Variants in SMIM14 observed in about 807,000 individuals in gnomAD.
SMIM14 encodes small integral membrane protein 14, also known as chromosome 4 open reading frame 34.
SMIM14 carries 5 observed loss-of-function variants against 12.6 expected under a neutral mutation model. That is an observed-to-expected ratio of 0.40 (90% confidence interval 0.21 to 0.83). The LOEUF (loss-of-function observed/expected upper bound fraction) is 0.83. SMIM14 is among the 40% of genes least tolerant of loss of function. The probability of loss-of-function intolerance (pLI) is 0.37; values close to 1 mark genes in which losing one functional copy is unlikely to be tolerated. For missense variants in SMIM14, 86 were observed against 119.1 expected, an observed-to-expected ratio of 0.72 and a Z score of 1.29; for synonymous variants, 30 against 40.1, an observed-to-expected ratio of 0.75 and a Z score of 0.95.
intron 2 of SMIM14, among the ~76,000 whole-genome samples, chr4:39,602,793 G>A (rs1232626561): frequency 2.0e-5 from 3 of 152,042 alleles, no homozygotes; most frequent in African/African-American, 7.2e-5. Context: ...ACAAGTCCTA[G>A]TGCATGCTGA....
chr4:39,553,667 C>T (rs1204731384), intron 4 of SMIM14, among the ~76,000 whole-genome samples: 4 of 150,602 alleles, frequency 2.7e-5, no homozygotes, highest in Non-Finnish European at 5.9e-5. Context: ...CATCTCAGCT[C>T]ACTGCAACCT....
At chr4:39,585,457 C>T (rs186655261) in intron 2 of SMIM14, among the ~76,000 whole-genome samples, 5,448 of 151,950 alleles carry the variant, frequency 0.036, 187 homozygotes, top group Non-Finnish European at 0.046. Flanking sequence ...CCACCATGCC[C>T]AGCTAATTTT....
chr4:39,626,996 A>G (rs1715727257), intron 1 of SMIM14, among the ~76,000 whole-genome samples: 1 of 152,194 alleles, frequency 6.6e-6, no homozygotes. Flanking sequence ...ACAGAAATTT[A>G]CTTCTCACGG....
At position 39,550,797 on chromosome 4, in the gene SMIM14, T is replaced by C. The variant is rs1209059125; in HGVS notation, c.*1329A>G. The C allele has an allele frequency of 6.6e-6, 1 of 152,200 alleles. No individual in the cohort carries two copies. Among genetic ancestry groups the C allele is most frequent in the Non-Finnish European group, 1.5e-5 (1 of 68,038 alleles). The allele number at this position is 152,200 out of a possible 1,614,324, so 9.4% of individuals were successfully genotyped here. ...CTTTTCCCTTGAAGTAAACCAGTAATTTATTAAAATATTTTATAGGTCAGA... is the reference window on the plus strand; with the variant it reads ...CTTTTCCCTTGAAGTAAACCAGTAACTTATTAAAATATTTTATAGGTCAGA... On this transcript the variant is annotated 3_prime_UTR_variant, in exon 5 of 5. Transcript: ENST00000295958.
At chr4:39,565,454 A>G (rs1306986184) in intron 3 of SMIM14, among the ~76,000 whole-genome samples, 4 of 152,142 alleles carry the variant, frequency 2.6e-5, no homozygotes. Context: ...CATCCAGAGT[A>G]GCTGGGGCAT....
At chr4:39,588,784 T>A (rs932443850) in intron 2 of SMIM14, among the ~76,000 whole-genome samples, 3 of 151,854 alleles carry the variant, frequency 2.0e-5, no homozygotes, top group African/African-American at 4.8e-5. Context: ...TGTATTGATA[T>A]TTTTTGAAAA....
At chr4:39,605,483 T>C (rs1478978901) in intron 1 of SMIM14, among the ~76,000 whole-genome samples, 9 of 152,186 alleles carry the variant, frequency 5.9e-5, no homozygotes, top group Admixed American at 5.9e-4. Context: ...ATTATTTGAC[T>C]TTATTAGCTC....
At chr4:39,569,954 T>C (rs1712800262) in intron 3 of SMIM14, among the ~76,000 whole-genome samples, 1 of 152,050 alleles carries the variant, frequency 6.6e-6, no homozygotes, top group Admixed American at 6.6e-5. Context: ...TCCCAAATAT[T>C]TACTTTCCCA....
intron 2 of SMIM14, among the ~76,000 whole-genome samples, chr4:39,590,181 A>T (rs1051141305): frequency 2.0e-5 from 3 of 152,154 alleles, no homozygotes; most frequent in African/African-American, 4.8e-5. Flanking sequence ...TGGGGGGCCA[A>T]GGCAGGTGGA....
At chr4:39,579,715 G>A (rs970265973) in intron 2 of SMIM14, among the ~76,000 whole-genome samples, 8 of 151,908 alleles carry the variant, frequency 5.3e-5, no homozygotes, top group South Asian at 2.1e-4. Context: ...GTGGTGGTGC[G>A]CACCAGTAGT....
intron 2 of SMIM14, among the ~76,000 whole-genome samples, chr4:39,596,172 C>T (rs1383441900): frequency 6.6e-5 from 10 of 151,720 alleles, no homozygotes; most frequent in African/African-American, 2.4e-4. Context: ...CTCGGCTCAC[C>T]GCAACCTCCA....
At chr4:39,607,420 T>C (rs532600974) in intron 1 of SMIM14, among the ~76,000 whole-genome samples, 2 of 152,162 alleles carry the variant, frequency 1.3e-5, no homozygotes, top group African/African-American at 4.8e-5. Context: ...TTAACATAAA[T>C]TCACTCAAAA....
chr4:39,595,946 A>G lies in SMIM14; in HGVS notation c.75+9125T>C, dbSNP rs28412408. 4.5e-3 allele frequency among the ~76,000 whole-genome samples: 690 copies of G among 152,128 alleles called. 5 individuals carry two copies. Among genetic ancestry groups the G allele is most frequent in the African/African-American group, 0.016 (655 of 41,498 alleles). On this transcript the variant is annotated intron_variant, in intron 2 of 4. Coordinates refer to ENST00000295958, the MANE Select transcript of SMIM14 (RefSeq NM_174921.3). ...TACTAATTTTTGTATATATCTGTAC[A>G]AGGTGCTTAGAAGTTTTATTTTTAG...
At chr4:39,555,130 C>G (rs1350302989) in intron 4 of SMIM14, among the ~76,000 whole-genome samples, 1 of 151,358 alleles carries the variant, frequency 6.6e-6, no homozygotes, top group Admixed American at 6.6e-5. Context: ...GCCACCGCGC[C>G]CGGCCTCATG....
At chr4:39,637,011 TAAGGTCCA>T (rs1274195923) in intron 1 of SMIM14, among the ~76,000 whole-genome samples, 3 of 152,144 alleles carry the variant, frequency 2.0e-5, no homozygotes, top group Non-Finnish European at 4.4e-5. Context: ...CTCTAAAATT[TAAGGTCCA>T]AAGTCCATGT....
intron 1 of SMIM14, among the ~76,000 whole-genome samples, chr4:39,618,659 A>C (rs1560306465): frequency 2.0e-5 from 3 of 150,944 alleles, no homozygotes; most frequent in Admixed American, 6.6e-5. Context: ...CAAAAAAAAA[A>C]AAAAACAAAA....
chr4:39,638,712 G>A, intron 1 of SMIM14, 27 bp downstream of exon 1: 9 of 985,440 alleles, frequency 9.1e-6, no homozygotes, highest in Non-Finnish European at 1.1e-5. Context: ...GCCAGCAAAC[G>A]CTGGTGGGAG....
At chr4:39,584,504 A>AAAAAAAAAAAAAAAAAAAAAAAAAAC (rs1331422431) in intron 2 of SMIM14, among the ~76,000 whole-genome samples, 1 of 143,416 alleles carries the variant, frequency 7.0e-6, no homozygotes, top group East Asian at 2.0e-4. Context: ...AAAAAAAAAA[A>AAAAAAAAAAAAAAAAAAAAAAAAAAC]AGACAAACAG....
At chr4:39,569,735 TC>T (rs1206993517) in intron 3 of SMIM14, among the ~76,000 whole-genome samples, 1 of 122,250 alleles carries the variant, frequency 8.2e-6, no homozygotes. Context: ...AGACTCTGTC[TC>T]AAAAAAAAAA....
Sources: allele counts gnomAD v4.1 joint callset (sites outside exome capture counted in the v4.1 genomes callset), GRCh38; gene constraint gnomAD v4.1.1; transcripts MANE v1.5; gene names NCBI Gene and HGNC (gene_info 2026-07-23, HGNC 2026-07-21).